Variants in EIF5B observed in about 807,000 individuals in gnomAD.
EIF5B encodes the protein eIF-5B.
Under a neutral mutation model 147.5 loss-of-function variants are expected in EIF5B, and 47 were observed. The ratio of observed to expected loss-of-function variants is 0.32; its 90% CI spans 0.25 to 0.41. The LOEUF is 0.41. Ranked by LOEUF, EIF5B falls within the 10% of genes least tolerant of loss-of-function variation. The probability of loss-of-function intolerance (pLI) is 1.00; values close to 1 mark genes in which losing one functional copy is unlikely to be tolerated. For missense variants in EIF5B, 1,064 were observed against 1,413.2 expected (o/e 0.75, Z 3.96); for synonymous variants, 455 against 456.2 (o/e 1.00, Z 0.03).
intron 10 of EIF5B, 83 bp downstream of exon 10, chr2:99,376,719 A>C: frequency 6.7e-7 from 1 of 1,482,086 alleles, no homozygotes; most frequent in East Asian, 2.3e-5. Context: ...AAAGGCTTTG[A>C]ACAGCACTTT....
At chr2:99,380,142 A>G (rs1674659091) in intron 12 of EIF5B, among the ~76,000 whole-genome samples, 1 of 152,250 alleles carries the variant, frequency 6.6e-6, no homozygotes, top group South Asian at 2.1e-4. Flanking sequence ...TAGGAAAGGC[A>G]GAATTAATGC....
chr2:99,339,505 T>C (rs1160959323), intron 1 of EIF5B, among the ~76,000 whole-genome samples: 2 of 152,078 alleles, frequency 1.3e-5, no homozygotes, highest in African/African-American at 2.4e-5. Flanking sequence ...CACAAATGTG[T>C]TCTTTAGATT....
intron 1 of EIF5B, among the ~76,000 whole-genome samples, chr2:99,357,114 T>C (rs1674112597): frequency 6.6e-6 from 1 of 152,236 alleles, no homozygotes; most frequent in Non-Finnish European, 1.5e-5. Context: ...TGTGTGTCTC[T>C]TCTTTCACCA....
At chr2:99,398,489 A>G (rs1042907242) in intron 22 of EIF5B, 4 of 293,806 alleles carry the variant, frequency 1.4e-5, no homozygotes, top group Non-Finnish European at 2.5e-5. Context: ...AGGAAATGAC[A>G]TTGGGTCAAC....
intron 9 of EIF5B, 134 bp downstream of exon 9, chr2:99,371,864 C>T (rs1177010582): frequency 5.5e-6 from 4 of 722,824 alleles, no homozygotes; most frequent in East Asian, 3.3e-5. Flanking sequence ...CTCTTGTTCT[C>T]TCCTTTGCCA....
chr2:99,391,842 C>CCACCT (rs1473034379), intron 17 of EIF5B, among the ~76,000 whole-genome samples: 1 of 151,406 alleles, frequency 6.6e-6, no homozygotes, highest in Non-Finnish European at 1.5e-5. Context: ...GGTGATCCTC[C>CCACCT]CACCTCAGCC....
chr2:99,368,176 G>T (rs772818443), intron 6 of EIF5B, among the ~76,000 whole-genome samples: 28 of 152,186 alleles, frequency 1.8e-4, no homozygotes, highest in South Asian at 4.1e-4. Context: ...CAGATCAGTG[G>T]TTACCAGAGG....
chr2:99,369,163 C>T lies in EIF5B; in HGVS notation c.1388-229C>T, dbSNP rs1241380009. Among the ~76,000 whole-genome samples the T allele has an allele frequency of 3.9e-5, 6 of 152,256 alleles. No homozygotes were observed. The East Asian group carries it at 9.6e-4, about 24-fold the overall frequency. On this transcript the variant is annotated intron_variant, in intron 7 of 23. Coordinates refer to ENST00000289371, the MANE Select transcript of EIF5B (RefSeq NM_015904.4). ...TGGCAGGTGCCTGTAATCCCAGCTA[C>T]TTGGCAGGCTGAGGCAGGGAGAATT...
At chr2:99,388,415 T>C (rs1419731144) in intron 14 of EIF5B, among the ~76,000 whole-genome samples, 1 of 130,486 alleles carries the variant, frequency 7.7e-6, no homozygotes, top group East Asian at 2.0e-4. Flanking sequence ...TGATGTCAGC[T>C]GCAGGGTTTT....
intron 1 of EIF5B, among the ~76,000 whole-genome samples, chr2:99,346,883 T>C (rs746892404): frequency 2.0e-5 from 3 of 151,780 alleles, no homozygotes; most frequent in Non-Finnish European, 4.4e-5. Flanking sequence ...ATAAGTTGTA[T>C]CTTAAGGTGT....
chr2:99,382,549 G>A (rs1674711633), intron 13 of EIF5B, among the ~76,000 whole-genome samples: 2 of 152,068 alleles, frequency 1.3e-5, no homozygotes, highest in South Asian at 4.1e-4. Flanking sequence ...CAGAAAACTT[G>A]GTCAGTAAAA....
Position 99,344,012 on chromosome 2 carries a change from G to A in EIF5B, c.35+6423G>A, listed in dbSNP as rs190775209. Among the ~76,000 whole-genome samples, 549 of 151,002 alleles carry A rather than the reference G, an allele frequency of 3.6e-3. 5 individuals are homozygous for A. The highest frequency in any genetic ancestry group is 0.013 in the African/African-American group (527 of 41,184). On this transcript the variant is annotated intron_variant, in intron 1 of 23. Transcript: ENST00000289371. ...CAGCTCACTGCAAGCTCCGCCTCCC[G>A]GGTTCATGCCATTCTCCTGCCTCAG...
At chr2:99,391,213 A>G (rs1046453262) in intron 17 of EIF5B, among the ~76,000 whole-genome samples, 18 of 152,230 alleles carry the variant, frequency 1.2e-4, no homozygotes, top group African/African-American at 3.1e-4. Flanking sequence ...TAGATTTACT[A>G]TTTGTTAAGT....
intron 18 of EIF5B, among the ~76,000 whole-genome samples, chr2:99,393,560 A>G (rs1674981243): frequency 6.6e-6 from 1 of 152,016 alleles, no homozygotes; most frequent in Non-Finnish European, 1.5e-5. Context: ...TTGTAGTTTC[A>G]TAAAAGTGGA....
chr2:99,356,083 G>T (rs938927674), intron 1 of EIF5B, among the ~76,000 whole-genome samples: 1 of 152,108 alleles, frequency 6.6e-6, no homozygotes, highest in Non-Finnish European at 1.5e-5. Context: ...TGCATACTTT[G>T]TGTAGATTTC....
rs200050923 is a variant in EIF5B, at chr2:99,382,147, C to T, written c.2062-12C>T. On this transcript the variant is annotated splice_polypyrimidine_tract_variant and intron_variant, in intron 12 of 23. Transcript: ENST00000289371. ...CTTTCTTAAACTTTGAACTTTTCCC[C>T]ATTGTTTCTAGTTTGATAGAGAGAA... 1.7e-5 allele frequency: 28 copies of T among 1,609,856 alleles called. No individual in the cohort carries two copies. The East Asian group carries it at 5.4e-4, about 31-fold the overall frequency.
At chr2:99,357,726 C>T (rs1449968797) in intron 1 of EIF5B, among the ~76,000 whole-genome samples, 6 of 152,164 alleles carry the variant, frequency 3.9e-5, no homozygotes, top group South Asian at 2.1e-4. Context: ...CTTCTCTTCT[C>T]ATGCAGTTGT....
intron 5 of EIF5B, 132 bp from the exon 6 acceptor site, chr2:99,364,139 T>C: frequency 7.8e-7 from 1 of 1,288,522 alleles, no homozygotes; most frequent in South Asian, 1.7e-5. Flanking sequence ...TAAAATACTT[T>C]GATTTGGAAT....
At chr2:99,369,785 G>C (rs1355461410) in intron 8 of EIF5B, among the ~76,000 whole-genome samples, 1 of 152,128 alleles carries the variant, frequency 6.6e-6, no homozygotes, top group Non-Finnish European at 1.5e-5. Flanking sequence ...GACCATCCTG[G>C]CTAACACGGT....
Sources: allele counts gnomAD v4.1 joint callset (sites outside exome capture counted in the v4.1 genomes callset), GRCh38; gene constraint gnomAD v4.1.1; transcripts MANE v1.5; gene names NCBI Gene and HGNC (gene_info 2026-07-23, HGNC 2026-07-21).